The following MACF1 variants were observed in gnomAD, a reference collection of about 807,000 sequenced individuals.
MACF1 encodes the protein microtubule-actin cross-linking factor 1.
A neutral mutation model predicts 854.8 loss-of-function variants in MACF1; 193 were observed. The observed-to-expected ratio is 0.23, with a 90% confidence interval of 0.20 to 0.25. The LOEUF (loss-of-function observed/expected upper bound fraction) is 0.25. MACF1 is among the 10% of genes least tolerant of loss of function. MACF1 has a pLI of 1.00. For missense variants in MACF1, 7,722 were observed against 8,929.1 expected (o/e 0.86, Z 5.45); for synonymous variants, 3,185 against 3,226.7 (o/e 0.99, Z 0.44).
Position 39,251,921 on chromosome 1 carries a change from G to A in MACF1, c.337G>A (p.Glu113Lys), listed in dbSNP as rs1645044027. ...WCHTNNEEQAEEDDDDVPREK... is the reference protein window; with the variant it reads ...WCHTNNEEQAKEDDDDVPREK... ...CCATACAAACAACGAGGAGCAGGCG[G>A]AGGAAGATGATGATGATGTAGTAGG... The change falls in exon 4 of 101, where the codon GAG becomes AAG. Residue 113 changes from glutamate to lysine, a missense_variant. This residue lies in a region of MACF1 where 82 missense variants were observed against 84.0 expected (regional missense o/e 0.98). Transcript: ENST00000564288. 4 of 1,515,922 alleles carry A rather than the reference G, an allele frequency of 2.6e-6. No homozygotes were observed. The highest frequency in any genetic ancestry group is 2.6e-6 in the Non-Finnish European group (3 of 1,137,236). 93.9% of individuals were successfully genotyped at this position (1,515,922 alleles called of 1,614,324 possible).
rs1311794611 is a variant in MACF1, at chr1:39,334,573, A to G, written c.7985A>G (p.Lys2662Arg). Residue 2662 changes from lysine (K) to arginine (R), a missense_variant, in exon 37 of 101, where the codon AAA (lysine) becomes AGA (arginine). Physicochemically the swap from Lys to Arg is conservative, Grantham distance 26 (BLOSUM62 2). Around this residue, in one of 15 missense-constraint regions of MACF1, gnomAD observed 1,531 missense variants for 1,601.6 expected, o/e 0.96. Coordinates refer to ENST00000564288, the MANE Select transcript of MACF1 (RefSeq NM_001394062.1). ...FSDIKDGVSDKVLTLSQAIQL... is the reference protein window; with the variant it reads ...FSDIKDGVSDRVLTLSQAIQL... ...GACATTAAAGATGGGGTGAGCGACA[A>G]AGTGCTTACATTGTCTCAAGCAATT... The G allele has an allele frequency of 1.6e-5, 26 of 1,614,158 alleles. No individual in the cohort carries two copies. The Middle Eastern group carries it at 8.2e-4, about 51-fold the overall frequency.
chr1:39,373,501 A>T (rs1359515986), intron 52 of MACF1: 9 of 143,796 alleles, frequency 6.3e-5, no homozygotes, highest in Admixed American at 2.1e-4. Context: ...AAAAAAAAAA[A>T]GTTGGGAAAG....
intron 55 of MACF1, 55 bp from the exon 56 acceptor site, chr1:39,381,898 C>A: frequency 8.0e-7 from 1 of 1,253,618 alleles, no homozygotes; most frequent in Non-Finnish European, 1.2e-6. Context: ...AACTTAGGTA[C>A]CAGGCCAGTT....
At position 39,251,851 on chromosome 1, in the gene MACF1, A is replaced by G. The variant is rs765963659; in HGVS notation, c.267A>G (p.Pro89=). 1 of 1,446,376 alleles carries G rather than the reference A, an allele frequency of 6.9e-7. No homozygotes were observed. The highest frequency in any genetic ancestry group is 9.1e-7 in the Non-Finnish European group (1 of 1,099,430). 89.6% of individuals were successfully genotyped at this position (1,446,376 alleles called of 1,614,324 possible). ...LEVLSGIKLE[P]AGLKTLRLVS... ...GCCTTGGTTGGTGGCCAAAGGAGCC[A>G]GCAGGGCTGAAGACCCTCCGTCTGG... Residue 89 remains proline (P), a synonymous_variant, in exon 4 of 101, where the codon CCA becomes CCG. Coordinates refer to ENST00000564288, the MANE Select transcript of MACF1 (RefSeq NM_001394062.1).
rs750535518 is a variant in MACF1, at chr1:39,380,327, C to T, written c.13602C>T (p.Pro4534=). The change falls in exon 55 of 101, where the codon CCC becomes CCT. Residue 4534 remains proline, a synonymous_variant. Transcript: ENST00000564288. ...EALAGLLVTY[P]NSQEAENWKK... is the part of the protein sequence containing the mutation. Reference sequence around the variant, plus strand: ...TGGCTGGATTACTGGTGACATATCCCAACTCACAGGAAGCAGAAAATTGGA... The same window carrying T: ...TGGCTGGATTACTGGTGACATATCCTAACTCACAGGAAGCAGAAAATTGGA... 4 of 1,613,472 alleles carry T rather than the reference C, an allele frequency of 2.5e-6. No homozygotes were observed. The highest frequency in any genetic ancestry group is 3.4e-6 in the Non-Finnish European group (4 of 1,179,696).
Position 39,310,853 on chromosome 1 carries a change from C to G in MACF1, c.3123C>G (p.Ala1041=). The part of the protein sequence containing the change: ...MENEDKEETV[A]KMYISELKNI... Reference sequence around the variant, plus strand: ...CAGAGGACAAAGAGGAGACTGTGGCCAAGATGTACATTTCAGAGTTGAAGA... The same window carrying G: ...CAGAGGACAAAGAGGAGACTGTGGCGAAGATGTACATTTCAGAGTTGAAGA... The change falls in exon 26 of 101, where the codon GCC becomes GCG. Residue 1041 remains alanine (A), a synonymous_variant. Transcript: ENST00000564288. 1 of 1,612,808 alleles carries G rather than the reference C, an allele frequency of 6.2e-7. No individual in the cohort carries two copies.
At position 39,359,078 on chromosome 1, in the gene MACF1, G is replaced by T. The variant is rs1470525090; in HGVS notation, c.12121-63G>T. On this transcript the variant is annotated intron_variant, in intron 46 of 100. Transcript: ENST00000564288. ...TCTGTAAAGCTGTTCAGTAGCTCCG[G>T]ATTCCTAGAATCATCTTTGATTACT... 6.3e-6 allele frequency: 10 copies of T among 1,595,644 alleles called. No homozygotes were observed. In the Admixed American group the frequency reaches 6.8e-5, roughly 11 times the overall value.
At chr1:39,177,099 C>T (rs947064831) in intron 2 of MACF1, among the ~76,000 whole-genome samples, 5 of 152,082 alleles carry the variant, frequency 3.3e-5, no homozygotes, top group Non-Finnish European at 7.3e-5. Flanking sequence ...GACTGAGAAT[C>T]GCTGTCATCA....
In MACF1 at chr1:39,385,485, G is replaced by A; in HGVS notation, c.13900G>A (p.Glu4634Lys). Residue 4634 changes from glutamate (E) to lysine (K), a missense_variant, in exon 57 of 101, where the codon GAG becomes AAG. Around this residue, in one of 15 missense-constraint regions of MACF1, gnomAD observed 2,807 missense variants for 3,235.8 expected, o/e 0.87. Coordinates refer to ENST00000564288, the MANE Select transcript of MACF1 (RefSeq NM_001394062.1). ...ARRQQHEQLN[E>K]AAQGILTGPG... ...CAGGCAACAGCATGAGCAACTGAATGAGGCAGCTCAGGGCATCCTAACAGG... is the reference window on the plus strand; with the variant it reads ...CAGGCAACAGCATGAGCAACTGAATAAGGCAGCTCAGGGCATCCTAACAGG... The A allele has an allele frequency of 6.2e-7, 1 of 1,614,182 alleles. No homozygotes were observed. Among genetic ancestry groups the A allele is most frequent in the Non-Finnish European group, 8.5e-7 (1 of 1,180,030 alleles).
chr1:39,323,951 A>G (rs1646562815), intron 33 of MACF1, among the ~76,000 whole-genome samples: 1 of 152,190 alleles, frequency 6.6e-6, no homozygotes, highest in Non-Finnish European at 1.5e-5. Context: ...TGCCTATTAT[A>G]TATAAAACAG....
chr1:39,444,641 C>T (rs1311687700), intron 79 of MACF1, 21 bp from the exon 80 acceptor site: 3 of 1,597,134 alleles, frequency 1.9e-6, no homozygotes, highest in East Asian at 2.2e-5. Flanking sequence ...GAATTGATAT[C>T]TTTCCTGCCT....
chr1:39,184,394 A>G (rs1286866935), intron 2 of MACF1, among the ~76,000 whole-genome samples: 1 of 152,040 alleles, frequency 6.6e-6, no homozygotes. Context: ...ATATTTAGAG[A>G]GGGGAACTTG....
chr1:39,391,641 T>C (rs1642040513), intron 58 of MACF1, among the ~76,000 whole-genome samples: 1 of 152,224 alleles, frequency 6.6e-6, no homozygotes, highest in African/African-American at 2.4e-5. Context: ...ATAAATAGTG[T>C]TTGGATTTGA....
intron 99 of MACF1, among the ~76,000 whole-genome samples, chr1:39,482,453 A>G (rs1357783943): frequency 4.6e-5 from 7 of 152,266 alleles, no homozygotes; most frequent in Admixed American, 3.9e-4. Context: ...ATTGATTTCA[A>G]AGAAAAATTA....
rs200281245 is a variant in MACF1, at chr1:39,387,141, C to T, written c.14345-46C>T. 32 of 1,578,710 alleles carry T rather than the reference C, an allele frequency of 2.0e-5. No homozygotes were observed. The African/African-American group carries it at 4.2e-4, about 21-fold the overall frequency. ...ATACTCTCAGCAAACATTTTAAATG[C>T]CAGGGTTCAGGCTTTATTGATTTCA... On this transcript the variant is annotated intron_variant, in intron 57 of 100. Coordinates refer to ENST00000564288, the MANE Select transcript of MACF1 (RefSeq NM_001394062.1).
chr1:39,350,763 A>C (rs200799573), intron 42 of MACF1, 22 bp from the exon 43 acceptor site: 1 of 1,580,686 alleles, frequency 6.3e-7, no homozygotes, highest in Non-Finnish European at 8.7e-7. Context: ...AGGCTCTGCC[A>C]TTCCTATTTT....
intron 28 of MACF1, among the ~76,000 whole-genome samples, 159 bp from the exon 29 acceptor site, chr1:39,317,055 C>CCA (rs1170136889): frequency 2.6e-5 from 4 of 152,218 alleles, no homozygotes. Flanking sequence ...AAAGCAGAGA[C>CCA]CATGACATGT....
chr1:39,467,568 A>T (rs1407945479), intron 95 of MACF1, among the ~76,000 whole-genome samples: 1 of 152,210 alleles, frequency 6.6e-6, no homozygotes, highest in Non-Finnish European at 1.5e-5. Context: ...AGAGCTGGGA[A>T]GTAGGAATGT....
chr1:39,233,040 T>G (rs138174457), intron 2 of MACF1, among the ~76,000 whole-genome samples: 48 of 22,162 alleles, frequency 2.2e-3, no homozygotes, highest in South Asian at 0.017. Flanking sequence ...TGTGTTTTGT[T>G]TTTTGTTTTT....
Sources: gnomAD v4.1 joint callset for allele counts (sites outside exome capture counted in the v4.1 genomes callset) on GRCh38, gnomAD v4.1.1 for gene constraint, gnomAD v4.1.1 regional missense constraint, MANE v1.5 for transcripts, NCBI Gene and HGNC (gene_info 2026-07-23, HGNC 2026-07-21) for gene names.